Variants in GIGYF2 observed in about 807,000 individuals in gnomAD.
The protein encoded by GIGYF2 is GRB10-interacting GYF protein 2.
GIGYF2 carries 25 observed loss-of-function variants against 208.1 expected under a neutral mutation model. The ratio of observed to expected loss-of-function variants is 0.12; its 90% CI spans 0.09 to 0.17. The LOEUF (loss-of-function observed/expected upper bound fraction) is 0.17, where lower values mean the gene tolerates loss of function less well. Among genes scored for constraint, GIGYF2 ranks in the 10% least tolerant of loss-of-function variants. The pLI is 1.00. For synonymous variants in GIGYF2, 534 were observed against 543.8 expected (o/e 0.98, Z 0.25); for missense variants, 1,302 against 1,579.4 (o/e 0.82, Z 2.98).
At position 232,816,991 on chromosome 2, in the gene GIGYF2, A is replaced by G. The variant is rs369435231; in HGVS notation, c.2329A>G (p.Arg777Gly). 1.2e-6 allele frequency: 2 copies of G among 1,613,836 alleles called. No homozygotes were observed. The highest frequency in any genetic ancestry group is 2.7e-5 in the African/African-American group (2 of 75,040). ...TCTTCGGCGACAGCAGGAAGAAGAA[A>G]GGAAAAGGCGAGAGGAAGAAGAACT... is the stretch of plus-strand genomic sequence containing the variant. Reference protein sequence around the residue: ...EILRRQQEEERKRREEEELAR... With the variant: ...EILRRQQEEEGKRREEEELAR... Residue 777 changes from arginine to glycine, a missense_variant, in exon 20 of 29, where the codon AGG becomes GGG. Around this residue, in one of 8 missense-constraint regions of GIGYF2, gnomAD observed 701 missense variants for 793.0 expected, o/e 0.88. Transcript: ENST00000373563.
chr2:232,761,082 G>A (rs932920697), intron 7 of GIGYF2, among the ~76,000 whole-genome samples: 6 of 152,034 alleles, frequency 3.9e-5, no homozygotes, highest in African/African-American at 1.2e-4. Context: ...AGCATTAGAG[G>A]TGTTTTTGAA....
At chr2:232,777,692 C>T (rs894430731) in intron 8 of GIGYF2, among the ~76,000 whole-genome samples, 1 of 137,800 alleles carries the variant, frequency 7.3e-6, no homozygotes, top group Non-Finnish European at 1.5e-5. Flanking sequence ...AACACAAGTT[C>T]AGACACAGCA....
At chr2:232,711,706 T>G (rs1210816530) in intron 2 of GIGYF2, among the ~76,000 whole-genome samples, 2 of 42,784 alleles carry the variant, frequency 4.7e-5, no homozygotes, top group African/African-American at 2.1e-4. Context: ...CACAATGATG[T>G]ATATATATAT....
At chr2:232,742,409 C>T (rs1479228884) in intron 3 of GIGYF2, among the ~76,000 whole-genome samples, 7 of 152,078 alleles carry the variant, frequency 4.6e-5, no homozygotes, top group Non-Finnish European at 1.5e-5. Context: ...GGTGTGGTGG[C>T]GTGTGCCTGT....
chr2:232,798,631 TG>T (rs955180803), intron 14 of GIGYF2, among the ~76,000 whole-genome samples: 20 of 152,190 alleles, frequency 1.3e-4, no homozygotes, highest in African/African-American at 4.1e-4. Context: ...GATACCTCAC[TG>T]GGGTTTTAAA....
At chr2:232,735,587 T>C (rs1697699009) in intron 3 of GIGYF2, 1 of 427,732 alleles carries the variant, frequency 2.3e-6, no homozygotes, top group Admixed American at 5.2e-5. Flanking sequence ...TTCTGCTACA[T>C]TGTTTTATCA....
intron 3 of GIGYF2, among the ~76,000 whole-genome samples, chr2:232,740,191 C>CT (rs1697919022): frequency 6.6e-6 from 1 of 152,086 alleles, no homozygotes; most frequent in African/African-American, 2.4e-5. Flanking sequence ...AGTGTGGTGG[C>CT]ATGCACCTGT....
chr2:232,733,995 A>G (rs1258543833), intron 2 of GIGYF2, among the ~76,000 whole-genome samples: 1 of 151,902 alleles, frequency 6.6e-6, no homozygotes, highest in Non-Finnish European at 1.5e-5. Context: ...TTAAGCTCTC[A>G]TATCTTAAGA....
At chr2:232,827,850 C>T (rs564451156) in intron 21 of GIGYF2, among the ~76,000 whole-genome samples, 4 of 152,120 alleles carry the variant, frequency 2.6e-5, no homozygotes, top group African/African-American at 4.8e-5. Flanking sequence ...ACTTTAATTA[C>T]GTGTCACACT....
chr2:232,848,852 A>G (rs1379891812), intron 27 of GIGYF2, among the ~76,000 whole-genome samples: 2 of 152,182 alleles, frequency 1.3e-5, no homozygotes, highest in African/African-American at 2.4e-5. Context: ...TAAAAGCACT[A>G]CAAGTATTCA....
chr2:232,826,261 C>T (rs1430898606), intron 21 of GIGYF2, among the ~76,000 whole-genome samples: 1 of 152,170 alleles, frequency 6.6e-6, no homozygotes, highest in African/African-American at 2.4e-5. Context: ...AGTTCTAGAT[C>T]CTTCAGGAAT....
intron 8 of GIGYF2, chr2:232,770,905 G>C: frequency 6.2e-7 from 1 of 1,609,124 alleles, no homozygotes; most frequent in Non-Finnish European, 8.5e-7. Flanking sequence ...AAAATTACCT[G>C]TGATAAAAGC....
chr2:232,853,087 A>G (rs1559171392), intron 28 of GIGYF2, among the ~76,000 whole-genome samples: 1 of 152,230 alleles, frequency 6.6e-6, no homozygotes, highest in Non-Finnish European at 1.5e-5. Context: ...AATTCCTCTC[A>G]TAATTGCTCA....
At chr2:232,852,376 T>C (rs969852391) in intron 28 of GIGYF2, among the ~76,000 whole-genome samples, 8 of 152,050 alleles carry the variant, frequency 5.3e-5, no homozygotes, top group Admixed American at 2.0e-4. Context: ...TGAAACCTCG[T>C]CTCTAGTAAA....
At chr2:232,719,773 A>G (rs1696855157) in intron 2 of GIGYF2, among the ~76,000 whole-genome samples, 1 of 152,258 alleles carries the variant, frequency 6.6e-6, no homozygotes, top group African/African-American at 2.4e-5. Context: ...ACTGTCAAGT[A>G]CAAGGATACA....
intron 22 of GIGYF2, among the ~76,000 whole-genome samples, chr2:232,838,179 C>G (rs1389003892): frequency 2.0e-5 from 3 of 151,970 alleles, no homozygotes; most frequent in Non-Finnish European, 4.4e-5. Context: ...TAACTTTGGT[C>G]TGTAGAACAG....
intron 8 of GIGYF2, among the ~76,000 whole-genome samples, chr2:232,773,933 AG>A (rs1326328549): frequency 6.9e-6 from 1 of 143,948 alleles, no homozygotes; most frequent in Non-Finnish European, 1.5e-5. Context: ...AAAAAAAAAA[AG>A]GTGTCTTAAG....
rs554154835 is a variant in GIGYF2, at chr2:232,736,042, G to T, written c.41+804G>T. The T allele has an allele frequency of 3.1e-6, 3 of 975,686 alleles. No individual in the cohort carries two copies. The South Asian group carries it at 1.4e-4, about 46-fold the overall frequency. The allele number at this position is 975,686 out of a possible 1,614,324, so 60.4% of individuals were successfully genotyped here. Reference sequence around the variant, plus strand: ...GTTCAATAAATGATGCAGACTTCCTGTAGTAACTCTATTTGAGGAGTCTTA... The same window carrying T: ...GTTCAATAAATGATGCAGACTTCCTTTAGTAACTCTATTTGAGGAGTCTTA... On this transcript the variant is annotated intron_variant, in intron 3 of 28. Transcript: ENST00000373563.
chr2:232,791,764 C>T (rs190732864), intron 12 of GIGYF2, among the ~76,000 whole-genome samples: 3 of 152,180 alleles, frequency 2.0e-5, no homozygotes, highest in African/African-American at 7.2e-5. Context: ...CCGTATTAGA[C>T]AGTTACCTTC....
Sources: allele counts gnomAD v4.1 joint callset (sites outside exome capture counted in the v4.1 genomes callset), GRCh38; gene constraint gnomAD v4.1.1; regional missense constraint gnomAD v4.1.1; transcripts MANE v1.5; gene names NCBI Gene and HGNC (gene_info 2026-07-23, HGNC 2026-07-21).